CTNNA3: variants seen among roughly 807,000 people sequenced by gnomAD.
The protein encoded by CTNNA3 is catenin alpha-3.
CTNNA3 carries 76 observed loss-of-function variants against 95.7 expected under a neutral mutation model. The ratio of observed to expected loss-of-function variants is 0.79; its 90% CI spans 0.66 to 0.96. CTNNA3 has a LOEUF of 0.96. Among genes scored for constraint, CTNNA3 ranks in the 40% least tolerant of loss-of-function variants. The probability of loss-of-function intolerance (pLI) is 0.00; values close to 1 mark genes in which losing one functional copy is unlikely to be tolerated. For synonymous variants in CTNNA3, 431 were observed against 374.4 expected (o/e 1.15, Z -1.74); for missense variants, 1,191 against 1,089.8 (o/e 1.09, Z -1.31).
At chr10:67,251,279 A>G (rs1866099674) in intron 5 of CTNNA3, among the ~76,000 whole-genome samples, 1 of 152,206 alleles carries the variant, frequency 6.6e-6, no homozygotes, top group Non-Finnish European at 1.5e-5. Flanking sequence ...TCTCTAGAAT[A>G]GGCAAATCTA....
At chr10:67,453,906 T>C (rs989041890) in intron 5 of CTNNA3, among the ~76,000 whole-genome samples, 10 of 152,324 alleles carry the variant, frequency 6.6e-5, no homozygotes, top group Middle Eastern at 3.4e-3. Flanking sequence ...ACAATGTGGA[T>C]AGAAACCATC....
intron 9 of CTNNA3, among the ~76,000 whole-genome samples, chr10:66,691,240 C>T (rs923862427): frequency 7.2e-5 from 11 of 152,174 alleles, no homozygotes; most frequent in East Asian, 5.8e-4. Context: ...CCTGGAAAAT[C>T]GGGTCACTCC....
At chr10:67,491,544 T>C (rs912242218) in intron 5 of CTNNA3, among the ~76,000 whole-genome samples, 23 of 152,192 alleles carry the variant, frequency 1.5e-4, no homozygotes, top group African/African-American at 2.4e-4. Flanking sequence ...AAAATAATCA[T>C]GCAGCTGTAA....
At chr10:66,894,170 G>C (rs1040999094) in intron 7 of CTNNA3, among the ~76,000 whole-genome samples, 4 of 151,972 alleles carry the variant, frequency 2.6e-5, no homozygotes, top group African/African-American at 9.7e-5. Context: ...AACTTCAGAA[G>C]TAATTTATAC....
chr10:66,197,175 T>A (rs2087012939), intron 13 of CTNNA3, among the ~76,000 whole-genome samples: 1 of 151,722 alleles, frequency 6.6e-6, no homozygotes, highest in African/African-American at 2.4e-5. Flanking sequence ...TCTCTAGAGT[T>A]TTTTTACATA....
intron 11 of CTNNA3, among the ~76,000 whole-genome samples, chr10:66,410,041 C>A (rs1188560379): frequency 6.6e-6 from 1 of 152,184 alleles, no homozygotes; most frequent in Non-Finnish European, 1.5e-5. Flanking sequence ...GTAATCTGTG[C>A]TAAAAGCAAG....
intron 17 of CTNNA3, among the ~76,000 whole-genome samples, chr10:65,943,336 T>G (rs1373695808): frequency 6.6e-6 from 1 of 152,200 alleles, no homozygotes; most frequent in Non-Finnish European, 1.5e-5. Flanking sequence ...AGTGTAGTTA[T>G]GTCGTTTTTA....
intron 7 of CTNNA3, among the ~76,000 whole-genome samples, chr10:66,783,554 C>T (rs562945936): frequency 1.3e-5 from 2 of 152,208 alleles, no homozygotes; most frequent in South Asian, 2.1e-4. Context: ...AAGAAAGCAG[C>T]TGTGATGCTA....
intron 1 of CTNNA3, among the ~76,000 whole-genome samples, chr10:67,706,055 G>A (rs932002572): frequency 2.6e-5 from 4 of 152,090 alleles, no homozygotes; most frequent in Non-Finnish European, 5.9e-5. Flanking sequence ...GCAGGGGAGG[G>A]AAATGCAGAT....
intron 13 of CTNNA3, among the ~76,000 whole-genome samples, chr10:66,238,711 T>G (rs544124490): frequency 6.6e-6 from 1 of 151,998 alleles, no homozygotes; most frequent in South Asian, 2.1e-4. Context: ...TTTTTTCAAA[T>G]ATCTTCACAG....
chr10:67,549,981 T>C (rs1022428519), intron 3 of CTNNA3, among the ~76,000 whole-genome samples: 9 of 152,188 alleles, frequency 5.9e-5, no homozygotes, highest in South Asian at 2.1e-4. Context: ...ATAAAATTCA[T>C]AATCTGTTTT....
chr10:67,046,131 G>A (rs142414526), intron 7 of CTNNA3, among the ~76,000 whole-genome samples: 2,705 of 152,110 alleles, frequency 0.018, 84 homozygotes, highest in African/African-American at 0.06. Flanking sequence ...GTCTGGACTC[G>A]GTTATCCACA....
chr10:66,221,701 G>A (rs2131980996), intron 13 of CTNNA3, among the ~76,000 whole-genome samples: 1 of 152,296 alleles, frequency 6.6e-6, no homozygotes, highest in South Asian at 2.1e-4. Flanking sequence ...CAAAATGCTA[G>A]ATGAATGAAT....
intron 7 of CTNNA3, among the ~76,000 whole-genome samples, chr10:67,125,178 G>T (rs1382124371): frequency 3.3e-5 from 5 of 152,012 alleles, no homozygotes; most frequent in African/African-American, 4.8e-5. Context: ...TTTTTCAATA[G>T]TCACTATAGA....
intron 11 of CTNNA3, among the ~76,000 whole-genome samples, chr10:66,494,983 C>T (rs879843528): frequency 2.6e-5 from 4 of 152,198 alleles, no homozygotes; most frequent in Non-Finnish European, 4.4e-5. Flanking sequence ...CTACAGCTCC[C>T]CCTCATTGCG....
intron 7 of CTNNA3, among the ~76,000 whole-genome samples, chr10:66,814,177 C>T (rs1403654718): frequency 1.3e-5 from 2 of 149,134 alleles, no homozygotes; most frequent in African/African-American, 2.5e-5. Flanking sequence ...GGTATAGAAA[C>T]GTCAGAGGCA....
intron 7 of CTNNA3, among the ~76,000 whole-genome samples, chr10:66,869,249 A>T (rs1050082679): frequency 6.6e-5 from 10 of 152,194 alleles, no homozygotes; most frequent in Non-Finnish European, 1.5e-4. Flanking sequence ...TGGCAAGAGA[A>T]ACTGCATGAG....
At chr10:67,557,860 C>T (rs905837840) in intron 3 of CTNNA3, among the ~76,000 whole-genome samples, 8 of 152,110 alleles carry the variant, frequency 5.3e-5, no homozygotes, top group African/African-American at 1.7e-4. Context: ...TACTCAACAC[C>T]TATGATACTA....
intron 13 of CTNNA3, among the ~76,000 whole-genome samples, chr10:66,129,633 GC>G (rs1379195582): frequency 6.6e-6 from 1 of 152,058 alleles, no homozygotes; most frequent in African/African-American, 2.4e-5. Context: ...CTCTTCTGGG[GC>G]CCCAGCCTGG....
Sources: gnomAD v4.1 joint callset for allele counts (sites outside exome capture counted in the v4.1 genomes callset) on GRCh38, gnomAD v4.1.1 for gene constraint, MANE v1.5 for transcripts, NCBI Gene and HGNC (gene_info 2026-07-23, HGNC 2026-07-21) for gene names.